SLC24A2: variants seen among roughly 807,000 people sequenced by gnomAD.
The protein encoded by SLC24A2 is sodium/potassium/calcium exchanger 2.
In SLC24A2, 36 loss-of-function variants were observed where a neutral mutation model predicts 62.0. The observed-to-expected ratio is 0.58, with a 90% CI of 0.44 to 0.77. SLC24A2 has a LOEUF of 0.77. Among genes scored for constraint, SLC24A2 ranks in the 30% least tolerant of loss-of-function variants. The pLI is 0.00. For synonymous variants in SLC24A2, 358 were observed against 294.0 expected, an observed-to-expected ratio of 1.22 and a Z score of -2.23; for missense variants, 846 against 817.9, an observed-to-expected ratio of 1.03 and a Z score of -0.42.
At chr9:19,864,074 A>G in the SLC24A2 span, among the ~76,000 whole-genome samples, 1 of 152,058 alleles carries the variant, frequency 6.6e-6, no homozygotes, top group East Asian at 1.9e-4. Context: ...ATAAACTGGA[A>G]AATCTAGAAA....
chr9:20,010,439 C>A, the SLC24A2 span, among the ~76,000 whole-genome samples: 37 of 152,112 alleles, frequency 2.4e-4, no homozygotes, highest in African/African-American at 8.4e-4. Flanking sequence ...ACATATAATT[C>A]AGAATAATCC....
At chr9:20,223,229 A>T in the SLC24A2 span, among the ~76,000 whole-genome samples, 8 of 152,208 alleles carry the variant, frequency 5.3e-5, no homozygotes, top group Non-Finnish European at 8.8e-5. Context: ...TTAAAACAGC[A>T]TTGAAGTACA....
the SLC24A2 span, among the ~76,000 whole-genome samples, chr9:20,134,389 C>A: frequency 6.6e-6 from 1 of 152,122 alleles, no homozygotes; most frequent in Non-Finnish European, 1.5e-5. Context: ...AAGAAATCTA[C>A]TTCCAATGAG....
the SLC24A2 span, among the ~76,000 whole-genome samples, chr9:20,053,042 A>G: frequency 3.9e-5 from 6 of 152,332 alleles, no homozygotes; most frequent in South Asian, 1.2e-3. Context: ...TGAATATAAA[A>G]TATTTGAAAC....
the SLC24A2 span, among the ~76,000 whole-genome samples, chr9:20,208,913 G>A: frequency 6.6e-6 from 1 of 152,210 alleles, no homozygotes; most frequent in Admixed American, 6.5e-5. Context: ...AGTGGATCTG[G>A]CCAGTCAGCA....
chr9:20,051,007 C>A, the SLC24A2 span, among the ~76,000 whole-genome samples: 3 of 151,960 alleles, frequency 2.0e-5, no homozygotes, highest in Admixed American at 2.0e-4. Flanking sequence ...TTAGAAGGTA[C>A]ATAGTGAGAT....
the SLC24A2 span, among the ~76,000 whole-genome samples, chr9:20,240,886 T>C: frequency 6.6e-6 from 1 of 152,174 alleles, no homozygotes. Flanking sequence ...CATAACCAGT[T>C]ACAGAGTCTC....
At chr9:19,666,214 G>C (rs1407453647) in intron 2 of SLC24A2, among the ~76,000 whole-genome samples, 1 of 151,938 alleles carries the variant, frequency 6.6e-6, no homozygotes, top group Non-Finnish European at 1.5e-5. Flanking sequence ...AGATCAGCGT[G>C]GGCAACATGG....
intron 2 of SLC24A2, among the ~76,000 whole-genome samples, chr9:19,673,433 ATG>A (rs777283124): frequency 1.0e-5 from 1 of 97,900 alleles, no homozygotes; most frequent in Non-Finnish European, 2.0e-5. Context: ...TTGTGTGTGT[ATG>A]TGTGTGTGCG....
At chr9:19,837,494 A>T in the SLC24A2 span, among the ~76,000 whole-genome samples, 5 of 143,512 alleles carry the variant, frequency 3.5e-5, no homozygotes, top group African/African-American at 1.1e-4. Flanking sequence ...AAAAAAAAAA[A>T]AGAAAACTGG....
the SLC24A2 span, among the ~76,000 whole-genome samples, chr9:20,206,029 C>G: frequency 6.6e-6 from 1 of 152,072 alleles, no homozygotes; most frequent in African/African-American, 2.4e-5. Flanking sequence ...ATGACTAATA[C>G]CTAATGTTAC....
intron 4 of SLC24A2, among the ~76,000 whole-genome samples, chr9:19,613,034 G>GAT (rs1817656713): frequency 6.6e-6 from 1 of 152,194 alleles, no homozygotes; most frequent in Admixed American, 6.5e-5. Flanking sequence ...ATTTATCCAT[G>GAT]AAGTGGGGAT....
At chr9:19,658,898 T>G (rs1181353254) in intron 2 of SLC24A2, among the ~76,000 whole-genome samples, 1 of 152,186 alleles carries the variant, frequency 6.6e-6, no homozygotes, top group East Asian at 1.9e-4. Context: ...GGTTCCAGTT[T>G]CCCTCTCTCC....
At chr9:19,661,208 T>TG (rs950310813) in intron 2 of SLC24A2, among the ~76,000 whole-genome samples, 5 of 152,058 alleles carry the variant, frequency 3.3e-5, no homozygotes, top group Admixed American at 2.0e-4. Context: ...TTTTTTTTTT[T>TG]TGTGATTCTT....
intron 2 of SLC24A2, among the ~76,000 whole-genome samples, chr9:19,699,411 G>T (rs1358363716): frequency 6.6e-6 from 1 of 152,114 alleles, no homozygotes; most frequent in Non-Finnish European, 1.5e-5. Context: ...AGATACCAAA[G>T]TTGCAGCATT....
chr9:19,792,477 G>A (rs907996345), upstream of SLC24A2, among the ~76,000 whole-genome samples: 1 of 148,380 alleles, frequency 6.7e-6, no homozygotes, highest in Admixed American at 6.8e-5. Flanking sequence ...GATCACCTGA[G>A]GTCAGGAGTT....
chr9:19,569,080 T>C lies in SLC24A2; in HGVS notation c.1347+4271A>G, dbSNP rs933426097. Among the ~76,000 whole-genome samples, 4 of 152,360 alleles carry C rather than the reference T, an allele frequency of 2.6e-5. No homozygotes were observed. The South Asian group carries it at 8.3e-4, about 32-fold the overall frequency. ...CATTCCTTTTCTTTTCCTTTCTTTC[T>C]GTTTTTTAAGACAGATGGTTGAAAC... On this transcript the variant is annotated intron_variant, in intron 7 of 10. Transcript: ENST00000341998.
chr9:19,674,261 T>C (rs2383110), intron 2 of SLC24A2, among the ~76,000 whole-genome samples: 4,678 of 152,318 alleles, frequency 0.031, 153 homozygotes, highest in East Asian at 0.095. Context: ...GGTTTTCTTT[T>C]ATAGGTTACC....
the SLC24A2 span, among the ~76,000 whole-genome samples, chr9:20,186,813 C>T: frequency 6.6e-6 from 1 of 152,138 alleles, no homozygotes; most frequent in Non-Finnish European, 1.5e-5. Context: ...CAACGAGAGA[C>T]ATTTTTATTC....
Sources: gnomAD v4.1 joint callset for allele counts (sites outside exome capture counted in the v4.1 genomes callset) on GRCh38, gnomAD v4.1.1 for gene constraint, MANE v1.5 for transcripts, NCBI Gene and HGNC (gene_info 2026-07-23, HGNC 2026-07-21) for gene names.